NDUFV3: variants seen among roughly 807,000 people sequenced by gnomAD.
NDUFV3 encodes the protein NADH dehydrogenase [ubiquinone] flavoprotein 3, mitochondrial.
Under a neutral mutation model 37.5 loss-of-function variants are expected in NDUFV3, and 44 were observed. The observed-to-expected ratio is 1.17, with a 90% CI of 0.92 to 1.51. NDUFV3 has a LOEUF of 1.51. Ranked by LOEUF, NDUFV3 falls within the 40% of genes most tolerant of loss-of-function variation. The probability of loss-of-function intolerance (pLI) is 0.00; values close to 1 mark genes in which losing one functional copy is unlikely to be tolerated. For missense variants in NDUFV3, 580 were observed against 580.4 expected (o/e 1.00, Z 0.01); for synonymous variants, 235 against 239.3 (o/e 0.98, Z 0.17).
chr21:42,896,612 T>A (rs2058692598), intron 1 of NDUFV3, among the ~76,000 whole-genome samples: 1 of 151,984 alleles, frequency 6.6e-6, no homozygotes, highest in South Asian at 2.1e-4. Context: ...GGCTTCAGGA[T>A]CGCTTGAGGC....
chr21:42,899,226 G>A (rs535671237), intron 2 of NDUFV3, among the ~76,000 whole-genome samples: 41 of 151,978 alleles, frequency 2.7e-4, no homozygotes, highest in African/African-American at 8.2e-4. Flanking sequence ...TTTCAGGTGG[G>A]AGGACAGTTT....
Position 42,910,509 on chromosome 21 carries a change from G to A in NDUFV3, c.*1488G>A, listed in dbSNP as rs1041861491. ...GTGAAGTTTCTTGCAGTACAGGGAC[G>A]AAGTAGGAAGAGGTGAAGTTTCGTG... is the stretch of plus-strand genomic sequence containing the variant. On this transcript the variant is annotated 3_prime_UTR_variant, in exon 4 of 4. Coordinates refer to ENST00000354250, the MANE Select transcript of NDUFV3 (RefSeq NM_021075.4). 1 of 152,310 alleles carries A rather than the reference G, an allele frequency of 6.6e-6. No individual in the cohort carries two copies. Among genetic ancestry groups the A allele is most frequent in the East Asian group, 1.9e-4 (1 of 5,160 alleles). The allele number at this position is 152,310 out of a possible 1,614,324, so 9.4% of individuals were successfully genotyped here. A position where few individuals can be genotyped will look rare whatever the true frequency, so the allele number is the denominator to read the frequency against.
intron 2 of NDUFV3, among the ~76,000 whole-genome samples, chr21:42,901,114 T>C (rs541075323): frequency 6.6e-6 from 1 of 152,260 alleles, no homozygotes; most frequent in South Asian, 2.1e-4. Context: ...AAATTTCACG[T>C]AATTTCTATT....
intron 1 of NDUFV3, among the ~76,000 whole-genome samples, chr21:42,895,943 G>A (rs2058688494): frequency 6.6e-6 from 1 of 150,972 alleles, no homozygotes; most frequent in Non-Finnish European, 1.5e-5. Flanking sequence ...TCATATGCAC[G>A]GTACCTACAT....
Position 42,897,745 on chromosome 21 carries a change from C to T in NDUFV3, c.169+698C>T, listed in dbSNP as rs376709111. On this transcript the variant is annotated intron_variant, in intron 2 of 3. Coordinates refer to ENST00000354250, the MANE Select transcript of NDUFV3 (RefSeq NM_021075.4). ...CTGCTGGAGTGCAGTGGCGCAATCT[C>T]GGCTCACTACAACCTCCGCCTCCTG... Among the ~76,000 whole-genome samples the T allele has an allele frequency of 5.9e-5, 9 of 151,298 alleles. No individual in the cohort carries two copies. In the East Asian group the frequency reaches 9.9e-4, roughly 17 times the overall value.
At chr21:42,894,880 G>C (rs1158851199) in intron 1 of NDUFV3, among the ~76,000 whole-genome samples, 2 of 151,916 alleles carry the variant, frequency 1.3e-5, no homozygotes, top group Non-Finnish European at 2.9e-5. Flanking sequence ...CCAGCATCTA[G>C]AACATTGTAC....
In NDUFV3 at chr21:42,897,038, C is replaced by A; in HGVS notation, c.160C>A (p.Pro54Thr). ...GQPQNSKKQS[P>T]PKNVVEPKER... ...GCCACAGAATTCCAAGAAGCAAAGT[C>A]CACCAAAAAGTAAGATTTTGATGGT... Residue 54 changes from proline to threonine, a missense_variant, in exon 2 of 4, where the codon CCA becomes ACA. Coordinates refer to ENST00000354250, the MANE Select transcript of NDUFV3 (RefSeq NM_021075.4). The A allele has an allele frequency of 6.2e-7, 1 of 1,613,824 alleles. No homozygotes were observed. The highest frequency in any genetic ancestry group is 1.1e-5 in the South Asian group (1 of 91,054).
chr21:42,895,528 T>C (rs966697299), intron 1 of NDUFV3, among the ~76,000 whole-genome samples: 21 of 151,900 alleles, frequency 1.4e-4, no homozygotes. Context: ...GGTGCACACC[T>C]GTAATTCCAG....
In NDUFV3 at chr21:42,909,136, C is replaced by CAT; in HGVS notation, c.*115_*116insAT. On this transcript the variant is annotated 3_prime_UTR_variant, in exon 4 of 4. Transcript: ENST00000354250. ...TGTGCATAATCGGTTTCACTTTTAC[C>CAT]TTTTTTTTTTTTTTTTTTTTTTTGA... 1 of 434,498 alleles carries CAT rather than the reference C, an allele frequency of 2.3e-6. No individual in the cohort carries two copies. Among genetic ancestry groups the CAT allele is most frequent in the Non-Finnish European group, 3.9e-6 (1 of 257,900 alleles). 26.9% of individuals were successfully genotyped at this position (434,498 alleles called of 1,614,324 possible).
At chr21:42,902,809 G>C (rs925841036) in intron 2 of NDUFV3, among the ~76,000 whole-genome samples, 1 of 152,160 alleles carries the variant, frequency 6.6e-6, no homozygotes, top group Non-Finnish European at 1.5e-5. Context: ...AAAATGTGCA[G>C]ATGCTCAAGT....
intron 2 of NDUFV3, among the ~76,000 whole-genome samples, chr21:42,897,709 C>T (rs2058699335): frequency 6.7e-6 from 1 of 149,768 alleles, no homozygotes; most frequent in African/African-American, 2.5e-5. Flanking sequence ...TGGAGTCCTG[C>T]TCTGTTGCCC....
chr21:42,894,510 T>TA lies in NDUFV3; in HGVS notation c.48+1129_48+1130insA, dbSNP rs1439982782. Among the ~76,000 whole-genome samples, 55 of 63,866 alleles carry TA rather than the reference T, an allele frequency of 8.6e-4. 1 individual carries two copies. The highest frequency in any genetic ancestry group is 3.9e-3 in the African/African-American group (49 of 12,548). The allele number at this position is 63,866 out of a possible 152,430, so 41.9% of individuals were successfully genotyped here. A position where few individuals can be genotyped will look rare whatever the true frequency, so the allele number is the denominator to read the frequency against. The stretch of plus-strand genomic sequence containing the variant: ...ATATTTATATAATATATAATATATA[T>TA]TTATATATTATATATAATATATATC... On this transcript the variant is annotated intron_variant, in intron 1 of 3. Coordinates refer to ENST00000354250, the MANE Select transcript of NDUFV3 (RefSeq NM_021075.4).
rs1406523853 is a variant in NDUFV3, at chr21:42,903,918, A to G, written c.906A>G (p.Pro302=). The change falls in exon 3 of 4, where the codon CCA becomes CCG. Residue 302 remains proline (P), a synonymous_variant. Coordinates refer to ENST00000354250, the MANE Select transcript of NDUFV3 (RefSeq NM_021075.4). ...PVHTKSGLSA[P]PKGSPAPAVL... The stretch of plus-strand genomic sequence containing the variant: ...ACACAAAATCAGGGTTGTCTGCGCC[A>G]CCGAAGGGCAGCCCAGCGCCTGCTG... The G allele has an allele frequency of 6.2e-7, 1 of 1,611,894 alleles. No homozygotes were observed. Among genetic ancestry groups the G allele is most frequent in the Non-Finnish European group, 8.5e-7 (1 of 1,178,856 alleles).
In NDUFV3 at chr21:42,903,480, T is replaced by G. The variant is rs4148973; in HGVS notation, c.468T>G (p.Ser156=). 0.6 allele frequency: 967,161 copies of G among 1,613,890 alleles called. 294,435 individuals are homozygous for G. The highest frequency in any genetic ancestry group is 0.71 in the African/African-American group (53,584 of 74,944). Residue 156 remains serine, a synonymous_variant, in exon 3 of 4, where the codon TCT becomes TCG. Coordinates refer to ENST00000354250, the MANE Select transcript of NDUFV3 (RefSeq NM_021075.4). ...TGACGTCGCCTTCGTCTTCATCCTC[T>G]TCCAGCTCCTCTGATTCTGAATCTG... ...RKVTSPSSSS[S]SSSSDSESDD...
Position 42,909,272 on chromosome 21 carries a change from G to A in NDUFV3, c.*251G>A, listed in dbSNP as rs966305782. The A allele has an allele frequency of 4.8e-6, 2 of 417,478 alleles. No individual in the cohort carries two copies. The highest frequency in any genetic ancestry group is 9.0e-6 in the Non-Finnish European group (2 of 223,336). 25.9% of individuals were successfully genotyped at this position (417,478 alleles called of 1,614,324 possible). A position where few individuals can be genotyped will look rare whatever the true frequency, so the allele number is the denominator to read the frequency against. On this transcript the variant is annotated 3_prime_UTR_variant, in exon 4 of 4. Coordinates refer to ENST00000354250, the MANE Select transcript of NDUFV3 (RefSeq NM_021075.4). The stretch of plus-strand genomic sequence containing the variant: ...TTCTCCCACCTCAGCCTCCCAAGTA[G>A]GTGGGATTACAGGTACTCACCACCA...
At chr21:42,897,762 C>T (rs988613266) in intron 2 of NDUFV3, among the ~76,000 whole-genome samples, 5 of 151,786 alleles carry the variant, frequency 3.3e-5, no homozygotes, top group Admixed American at 6.6e-5. Context: ...CTACAACCTC[C>T]GCCTCCTGGG....
Position 42,909,081 on chromosome 21 carries a change from T to A in NDUFV3, c.*60T>A, listed in dbSNP as rs2146168327. The A allele has an allele frequency of 6.7e-7, 1 of 1,485,462 alleles. No homozygotes were observed. Among genetic ancestry groups the A allele is most frequent in the Non-Finnish European group, 9.1e-7 (1 of 1,093,018 alleles). The allele number at this position is 1,485,462 out of a possible 1,614,324, so 92.0% of individuals were successfully genotyped here. A position where few individuals can be genotyped will look rare whatever the true frequency, so the allele number is the denominator to read the frequency against. The stretch of plus-strand genomic sequence containing the variant: ...TTCACTGCATCCTGGAGTGCAAAAA[T>A]AAAATCCACTCAAGAGTCACAAGGC... On this transcript the variant is annotated 3_prime_UTR_variant, in exon 4 of 4. Transcript: ENST00000354250.
chr21:42,901,335 G>A (rs567771455), intron 2 of NDUFV3, among the ~76,000 whole-genome samples: 1 of 151,986 alleles, frequency 6.6e-6, no homozygotes, highest in African/African-American at 2.4e-5. Context: ...CCAGCTACTC[G>A]GGAGGCTGAG....
At chr21:42,897,172 TC>T in intron 2 of NDUFV3, 125 bp downstream of exon 2, 1 of 1,102,672 alleles carries the variant, frequency 9.1e-7, no homozygotes, top group Non-Finnish European at 1.3e-6. Context: ...TTCAGCAGTG[TC>T]CAGATTATAC....
Sources: gnomAD v4.1 joint callset for allele counts (sites outside exome capture counted in the v4.1 genomes callset) on GRCh38, gnomAD v4.1.1 for gene constraint, MANE v1.5 for transcripts, NCBI Gene and HGNC (gene_info 2026-07-23, HGNC 2026-07-21) for gene names.